The following COL6A6 variants were observed in gnomAD, a reference collection of about 807,000 sequenced individuals.
COL6A6 encodes the protein collagen alpha-6(VI) chain.
COL6A6 carries 183 observed loss-of-function variants against 208.6 expected under a neutral mutation model. The observed-to-expected ratio is 0.88, with a 90% CI of 0.78 to 0.99. The LOEUF is 0.99. Ranked by LOEUF, COL6A6 falls within the 50% of genes least tolerant of loss-of-function variation. The pLI is 0.00. For missense variants in COL6A6, 2,816 were observed against 2,815.2 expected, an observed-to-expected ratio of 1.00 and a Z score of -0.01; for synonymous variants, 973 against 1,011.8, an observed-to-expected ratio of 0.96 and a Z score of 0.73.
intron 31 of COL6A6, 83 bp from the exon 32 acceptor site, chr3:130,644,908 A>T: frequency 7.7e-7 from 1 of 1,304,088 alleles, no homozygotes; most frequent in Middle Eastern, 1.8e-4. Flanking sequence ...AGCAGACAGG[A>T]TAGAACCTTT....
chr3:130,655,583 G>T (rs2108434282), intron 33 of COL6A6, among the ~76,000 whole-genome samples: 1 of 152,294 alleles, frequency 6.6e-6, no homozygotes, highest in East Asian at 1.9e-4. Flanking sequence ...TGGGCACAGT[G>T]GACCAGGCAG....
intron 1 of COL6A6, among the ~76,000 whole-genome samples, chr3:130,531,039 GACACAC>G (rs66824865): frequency 0.67 from 91,675 of 137,684 alleles, 32,329 homozygotes; most frequent in Non-Finnish European, 0.8. Flanking sequence ...CACACACACA[GACACAC>G]ACACACACAC....
Position 130,563,668 on chromosome 3 carries a change from G to A in COL6A6, c.661+4G>A. On this transcript the variant is annotated splice_donor_region_variant and intron_variant, in intron 3 of 36. Coordinates refer to ENST00000358511, the MANE Select transcript of COL6A6 (RefSeq NM_001102608.3). ...GTTGATGACATCTTTGTAGAAGGTG[G>A]GCTTAGGATATGTGTATAGGAATGA... 1 of 1,583,918 alleles carries A rather than the reference G, an allele frequency of 6.3e-7. No homozygotes were observed. The highest frequency in any genetic ancestry group is 8.7e-7 in the Non-Finnish European group (1 of 1,154,400).
rs2063148298 is a variant in COL6A6 at position 130,570,954 on chromosome 3, C to G, written c.2538C>G (p.Val846=). The G allele has an allele frequency of 1.2e-6, 2 of 1,613,938 alleles. No individual in the cohort carries two copies. Among genetic ancestry groups the G allele is most frequent in the Non-Finnish European group, 1.7e-6 (2 of 1,179,890 alleles). The change falls in exon 7 of 37, where the codon GTC becomes GTG. Residue 846 remains valine (V), a synonymous_variant. Coordinates refer to ENST00000358511, the MANE Select transcript of COL6A6 (RefSeq NM_001102608.3). ...VKKADVGKNQ[V]RFGALKYADD... ...AAGCTGATGTGGGCAAGAATCAGGT[C>G]CGGTTTGGGGCTCTGAAGTATGCTG...
At chr3:130,573,631 AT>A (rs2063218630) in intron 7 of COL6A6, among the ~76,000 whole-genome samples, 1 of 146,624 alleles carries the variant, frequency 6.8e-6, no homozygotes, top group African/African-American at 2.5e-5. Flanking sequence ...CAGAGGCACA[AT>A]CTCGGCTCAC....
chr3:130,568,392 C>T lies in COL6A6; in HGVS notation c.2189C>T (p.Thr730Met), dbSNP rs566520876. 103 of 1,613,920 alleles carry T rather than the reference C, an allele frequency of 6.4e-5. No homozygotes were observed. The South Asian group carries it at 8.0e-4, about 13-fold the overall frequency. Residue 730 changes from threonine to methionine, a missense_variant, in exon 6 of 37, where the codon ACG (threonine) becomes ATG (methionine). Thr to Met is a moderately conservative substitution (Grantham distance 81). Coordinates refer to ENST00000358511, the MANE Select transcript of COL6A6 (RefSeq NM_001102608.3). ...ATCAGAAAGTTTCTCATCCTCATCACGGATGGTGAAGCTCAGGACATAGTA... is the reference window on the plus strand; with the variant it reads ...ATCAGAAAGTTTCTCATCCTCATCATGGATGGTGAAGCTCAGGACATAGTA... ...PNIRKFLILI[T>M]DGEAQDIVKE...
intron 36 of COL6A6, among the ~76,000 whole-genome samples, chr3:130,669,092 T>G (rs1201826305): frequency 6.6e-6 from 1 of 152,156 alleles, no homozygotes; most frequent in Non-Finnish European, 1.5e-5. Flanking sequence ...TGCAATTAAG[T>G]TAGAAATTAA....
chr3:130,598,277 G>A (rs1408197880), intron 18 of COL6A6, 88 bp from the exon 19 acceptor site: 19 of 854,620 alleles, frequency 2.2e-5, no homozygotes, highest in African/African-American at 8.5e-5. Flanking sequence ...TCAACTTCTC[G>A]AGAGTTAGCT....
intron 28 of COL6A6, among the ~76,000 whole-genome samples, chr3:130,639,956 T>C (rs952080691): frequency 7.2e-5 from 11 of 152,308 alleles, no homozygotes; most frequent in Admixed American, 7.2e-4. Flanking sequence ...ACACATTTAC[T>C]GTACATACCC....
chr3:130,627,422 G>A (rs1265555931), intron 26 of COL6A6, 53 bp downstream of exon 26: 23 of 1,540,592 alleles, frequency 1.5e-5, no homozygotes, highest in Non-Finnish European at 1.9e-5. Context: ...TTTGTTGCTG[G>A]TTTTGTTTGC....
chr3:130,661,823 C>G lies in COL6A6; in HGVS notation c.6017C>G (p.Thr2006Ser), dbSNP rs373046640. The G allele has an allele frequency of 6.6e-5, 107 of 1,613,874 alleles. No homozygotes were observed. The highest frequency in any genetic ancestry group is 8.9e-5 in the Non-Finnish European group (105 of 1,179,892). The change falls in exon 35 of 37, where the codon ACT becomes AGT. Residue 2006 changes from threonine (T) to serine (S), a missense_variant. Transcript: ENST00000358511. ...ACCCCAGAGCCGGAGACTTCTGTCA[C>G]TGGAGACCGGGTGGCCCTATTGAGC... ...EITPEPETSV[T>S]GDRVALLSHA...
intron 8 of COL6A6, among the ~76,000 whole-genome samples, chr3:130,579,293 G>C (rs570935579): frequency 3.3e-5 from 5 of 152,178 alleles, no homozygotes; most frequent in Non-Finnish European, 5.9e-5. Flanking sequence ...ATAACTGTCT[G>C]ATCCAATTCA....
chr3:130,531,934 T>C (rs2062106749), intron 1 of COL6A6, among the ~76,000 whole-genome samples: 2 of 152,222 alleles, frequency 1.3e-5, no homozygotes, highest in South Asian at 2.1e-4. Context: ...ACCATGCCTT[T>C]TTCTGGTATA....
intron 26 of COL6A6, 39 bp downstream of exon 26, chr3:130,627,408 A>G: frequency 6.3e-7 from 1 of 1,598,830 alleles, no homozygotes; most frequent in Non-Finnish European, 8.6e-7. Context: ...TTTTCCATTT[A>G]TTTTTTGTTG....
At chr3:130,577,811 T>C (rs943199662) in intron 8 of COL6A6, among the ~76,000 whole-genome samples, 4 of 152,236 alleles carry the variant, frequency 2.6e-5, no homozygotes, top group Non-Finnish European at 5.9e-5. Context: ...TAAGTGTTCA[T>C]TGAGAGTTAG....
intron 1 of COL6A6, among the ~76,000 whole-genome samples, chr3:130,541,621 T>A (rs2062365555): frequency 6.6e-6 from 1 of 152,254 alleles, no homozygotes; most frequent in African/African-American, 2.4e-5. Flanking sequence ...TTTGATGTTG[T>A]CAGTGTTCTG....
At position 130,568,138 on chromosome 3, in the gene COL6A6, G is replaced by T. The variant is rs1464520210; in HGVS notation, c.1935G>T (p.Met645Ile). ...PENFSKMKTF[M>I]KNLVSKSQIG... is the part of the protein sequence containing the mutation. ...ACTTCAGCAAAATGAAAACATTTAT[G>T]AAAAACCTGGTGAGCAAGTCTCAGA... The change falls in exon 6 of 37, where the codon ATG becomes ATT. Residue 645 changes from methionine (M) to isoleucine (I), a missense_variant. Met to Ile is a conservative substitution (Grantham distance 10). Coordinates refer to ENST00000358511, the MANE Select transcript of COL6A6 (RefSeq NM_001102608.3). The T allele has an allele frequency of 1.9e-6, 3 of 1,613,972 alleles. No homozygotes were observed. The East Asian group carries it at 6.7e-5, about 36-fold the overall frequency.
chr3:130,564,807 C>G (rs922811211), intron 3 of COL6A6, among the ~76,000 whole-genome samples, 187 bp from the exon 4 acceptor site: 3 of 152,166 alleles, frequency 2.0e-5, no homozygotes, highest in Non-Finnish European at 4.4e-5. Flanking sequence ...GAAATTGAAG[C>G]CGGGAGTTTA....
At chr3:130,627,546 A>G (rs1187321052) in intron 26 of COL6A6, among the ~76,000 whole-genome samples, 177 bp downstream of exon 26, 2 of 152,218 alleles carry the variant, frequency 1.3e-5, no homozygotes, top group Admixed American at 1.3e-4. Context: ...AAAGAATGTG[A>G]TGGTTTAAGG....
Sources: gnomAD v4.1 joint callset for allele counts (sites outside exome capture counted in the v4.1 genomes callset) on GRCh38, gnomAD v4.1.1 for gene constraint, MANE v1.5 for transcripts, NCBI Gene and HGNC (gene_info 2026-07-23, HGNC 2026-07-21) for gene names.